The following ZFHX3 variants were observed in gnomAD, a reference collection of about 807,000 sequenced individuals.
ZFHX3 encodes the protein zinc finger homeobox protein 3.
In ZFHX3, 42 loss-of-function variants were observed where a neutral mutation model predicts 279.1. The observed-to-expected ratio is 0.15, with a 90% CI of 0.12 to 0.19. ZFHX3 has a LOEUF of 0.19. ZFHX3 is among the 10% of genes least tolerant of loss of function. The probability of loss-of-function intolerance (pLI) is 1.00; values close to 1 mark genes in which losing one functional copy is unlikely to be tolerated. For missense variants in ZFHX3, 4,981 were observed against 4,754.0 expected, an observed-to-expected ratio of 1.05 and a Z score of -1.40; for synonymous variants, 2,293 against 1,957.8, an observed-to-expected ratio of 1.17 and a Z score of -4.52.
intron 2 of ZFHX3, among the ~76,000 whole-genome samples, chr16:73,537,149 G>A (rs1376580642): frequency 6.6e-6 from 1 of 152,096 alleles, no homozygotes; most frequent in Non-Finnish European, 1.5e-5. Flanking sequence ...CAAGCCCTAA[G>A]TAGACATGAT....
chr16:73,250,814 G>A (rs1222327393), intron 5 of ZFHX3, among the ~76,000 whole-genome samples: 1 of 152,178 alleles, frequency 6.6e-6, no homozygotes, highest in Non-Finnish European at 1.5e-5. Flanking sequence ...GATTACAAGT[G>A]TGAGCCTTTA....
chr16:73,072,395 G>A (rs1965835225), intron 8 of ZFHX3, among the ~76,000 whole-genome samples: 1 of 144,530 alleles, frequency 6.9e-6, no homozygotes, highest in Non-Finnish European at 1.5e-5. Context: ...AGTGAGCCGA[G>A]ATCGTGCCAT....
At chr16:73,074,081 T>C (rs1291483770) in intron 8 of ZFHX3, among the ~76,000 whole-genome samples, 1 of 152,194 alleles carries the variant, frequency 6.6e-6, no homozygotes, top group African/African-American at 2.4e-5. Context: ...CTCCAAGTGG[T>C]GGAAAGATAT....
intron 1 of ZFHX3, among the ~76,000 whole-genome samples, chr16:73,716,099 TC>T (rs1207307025): frequency 1.3e-5 from 2 of 152,034 alleles, no homozygotes; most frequent in African/African-American, 4.8e-5. Flanking sequence ...AGTTTTACGC[TC>T]CTCCTGCTAA....
At chr16:73,395,140 A>T (rs1424854004) in intron 3 of ZFHX3, among the ~76,000 whole-genome samples, 2 of 152,148 alleles carry the variant, frequency 1.3e-5, no homozygotes, top group African/African-American at 4.8e-5. Flanking sequence ...AATGCCAAAC[A>T]TACTACAATG....
intron 2 of ZFHX3, among the ~76,000 whole-genome samples, chr16:73,466,122 T>C (rs2018566521): frequency 6.6e-6 from 1 of 151,958 alleles, no homozygotes; most frequent in African/African-American, 2.4e-5. Flanking sequence ...AACTTAATTA[T>C]AGCTCTACAA....
chr16:73,146,809 C>G (rs1346762583), intron 5 of ZFHX3, among the ~76,000 whole-genome samples: 1 of 152,102 alleles, frequency 6.6e-6, no homozygotes, highest in Non-Finnish European at 1.5e-5. Context: ...GCGCCACCAC[C>G]AAGCCCAGCT....
intron 2 of ZFHX3, among the ~76,000 whole-genome samples, chr16:73,662,425 C>T (rs991608131): frequency 2.0e-5 from 3 of 152,282 alleles, no homozygotes; most frequent in Non-Finnish European, 4.4e-5. Flanking sequence ...TGACGAGACA[C>T]ATGCACGTAT....
intron 4 of ZFHX3, among the ~76,000 whole-genome samples, chr16:73,257,696 T>C (rs190714173): frequency 1.1e-4 from 17 of 152,344 alleles, no homozygotes; most frequent in Admixed American, 1.0e-3. Flanking sequence ...AGTAAGATGG[T>C]AGGTTTTACC....
chr16:73,651,389 G>C (rs1267421820), intron 2 of ZFHX3, among the ~76,000 whole-genome samples: 1 of 151,842 alleles, frequency 6.6e-6, no homozygotes, highest in Non-Finnish European at 1.5e-5. Flanking sequence ...AAAGTAATAA[G>C]AAACAACTGT....
chr16:73,000,200 TC>T (rs1963442546), intron 1 of ZFHX3, among the ~76,000 whole-genome samples: 1 of 151,712 alleles, frequency 6.6e-6, no homozygotes, highest in Admixed American at 6.6e-5. Context: ...CATCCTCCCA[TC>T]CCCCAGGGTC....
intron 1 of ZFHX3, among the ~76,000 whole-genome samples, chr16:73,744,785 C>G (rs2053689172): frequency 6.6e-6 from 1 of 152,164 alleles, no homozygotes; most frequent in Non-Finnish European, 1.5e-5. Flanking sequence ...ATTTCTCCCT[C>G]TTTAAAAATT....
chr16:73,305,986 G>A lies in ZFHX3; in HGVS notation c.-1194+12254C>T, dbSNP rs11150077. Among the ~76,000 whole-genome samples the A allele has an allele frequency of 6.5e-3, 992 of 152,270 alleles. 9 individuals are homozygous for A. The highest frequency in any genetic ancestry group is 0.022 in the African/African-American group (904 of 41,566). On this transcript the variant is annotated intron_variant, in intron 4 of 17. Transcript: ENST00000641206. ...TGTGAAACAGACAGGAATTACCTGG[G>A]GATCTTCAAATGCGGATTCTGGCTC... is the stretch of plus-strand genomic sequence containing the variant.
At chr16:73,161,123 G>A (rs146681562) in intron 5 of ZFHX3, among the ~76,000 whole-genome samples, 1 of 152,048 alleles carries the variant, frequency 6.6e-6, no homozygotes, top group African/African-American at 2.4e-5. Context: ...CAGGCGCCCG[G>A]CACCATGCCT....
At chr16:73,038,201 C>A (rs1056498898) in intron 1 of ZFHX3, among the ~76,000 whole-genome samples, 1 of 152,000 alleles carries the variant, frequency 6.6e-6, no homozygotes, top group Non-Finnish European at 1.5e-5. Context: ...CGAGAGTCCA[C>A]GGGGCCCTCG....
intron 1 of ZFHX3, among the ~76,000 whole-genome samples, chr16:73,009,546 G>A (rs935271168): frequency 2.0e-5 from 3 of 152,058 alleles, no homozygotes; most frequent in African/African-American, 7.2e-5. Flanking sequence ...AATAGAAAAT[G>A]TAATCATATA....
intron 5 of ZFHX3, among the ~76,000 whole-genome samples, chr16:73,169,238 G>C (rs191359574): frequency 3.6e-4 from 55 of 152,284 alleles, no homozygotes; most frequent in Middle Eastern, 3.4e-3. Flanking sequence ...CATGCTAGGT[G>C]GTGGGGATTC....
chr16:72,843,632 C>T (rs1448493838), intron 4 of ZFHX3, among the ~76,000 whole-genome samples: 1 of 150,888 alleles, frequency 6.6e-6, no homozygotes, highest in Non-Finnish European at 1.5e-5. Flanking sequence ...GACGCTTACA[C>T]AGTCAAACAA....
intron 3 of ZFHX3, among the ~76,000 whole-genome samples, chr16:72,931,501 T>C (rs1959804031): frequency 7.0e-6 from 1 of 143,190 alleles, no homozygotes; most frequent in African/African-American, 2.6e-5. Flanking sequence ...AAAACAATCA[T>C]GACTTCAGTA....
Sources: allele counts gnomAD v4.1 joint callset (sites outside exome capture counted in the v4.1 genomes callset), GRCh38; gene constraint gnomAD v4.1.1; transcripts MANE v1.5; gene names NCBI Gene and HGNC (gene_info 2026-07-23, HGNC 2026-07-21).